Variants in RPRD2 observed in about 807,000 individuals in gnomAD.
RPRD2 encodes the protein regulation of nuclear pre-mRNA domain containing 2, also known as regulation of nuclear pre-mRNA domain-containing protein 2.
A neutral mutation model predicts 104.4 loss-of-function variants in RPRD2; 12 were observed. The observed-to-expected ratio is 0.11, with a 90% CI of 0.07 to 0.19. RPRD2 has a LOEUF of 0.19. RPRD2 is among the 10% of genes least tolerant of loss of function. The pLI, the probability that RPRD2 is intolerant of heterozygous loss-of-function variation, is 1.00. For missense variants in RPRD2, 1,543 were observed against 1,790.1 expected, an observed-to-expected ratio of 0.86 and a Z score of 2.49; for synonymous variants, 714 against 684.9, an observed-to-expected ratio of 1.04 and a Z score of -0.66.
At chr1:150,403,331 AT>A (rs1301060518) in intron 1 of RPRD2, among the ~76,000 whole-genome samples, 3 of 152,144 alleles carry the variant, frequency 2.0e-5, no homozygotes, top group Non-Finnish European at 4.4e-5. Context: ...CATGAAGAAC[AT>A]TAACATTGTT....
At chr1:150,397,151 T>C (rs1171840851) in intron 1 of RPRD2, among the ~76,000 whole-genome samples, 1 of 151,994 alleles carries the variant, frequency 6.6e-6, no homozygotes, top group Non-Finnish European at 1.5e-5. Context: ...TTTTTGTATT[T>C]ATAGTAGAGA....
chr1:150,406,308 A>G lies in RPRD2; in HGVS notation c.206-11288A>G, dbSNP rs193006079. Among the ~76,000 whole-genome samples the G allele has an allele frequency of 4.7e-4, 72 of 152,284 alleles. 1 individual carries two copies. Among genetic ancestry groups the G allele is most frequent in the Non-Finnish European group, 5.9e-5 (4 of 68,008 alleles). ...TAGGGGTCTTAGAACATATACCCCCATGTTAAGGAGGGACTACTGTAATTG... is the reference window on the plus strand; with the variant it reads ...TAGGGGTCTTAGAACATATACCCCCGTGTTAAGGAGGGACTACTGTAATTG... On this transcript the variant is annotated intron_variant, in intron 1 of 10. Coordinates refer to ENST00000369068, the MANE Select transcript of RPRD2 (RefSeq NM_015203.5).
chr1:150,369,038 G>A (rs1660065306), intron 1 of RPRD2, among the ~76,000 whole-genome samples: 1 of 152,114 alleles, frequency 6.6e-6, no homozygotes, highest in South Asian at 2.1e-4. Flanking sequence ...CTTATTTGTT[G>A]CCCTGTCCCC....
intron 1 of RPRD2, among the ~76,000 whole-genome samples, chr1:150,374,730 T>C (rs1553879150): frequency 6.6e-6 from 1 of 152,202 alleles, no homozygotes; most frequent in African/African-American, 2.4e-5. Flanking sequence ...AAAAGCACTT[T>C]TAAGTTTGTT....
Position 150,473,450 on chromosome 1 carries a change from A to C in RPRD2, c.*116A>C. 1.0e-6 allele frequency: 1 copy of C among 976,182 alleles called. No individual in the cohort carries two copies. The highest frequency in any genetic ancestry group is 2.1e-5 in the South Asian group (1 of 46,732). The allele number at this position is 976,182 out of a possible 1,614,324, so 60.5% of individuals were successfully genotyped here. On this transcript the variant is annotated 3_prime_UTR_variant, in exon 11 of 11. Transcript: ENST00000369068. ...TTCTCGATTTTTTTTTTATTATAAC[A>C]AAGGGCCTCTCTTCCAAAGTAAGAA...
At chr1:150,388,520 C>CAT (rs71293188) in intron 1 of RPRD2, among the ~76,000 whole-genome samples, 17,471 of 148,152 alleles carry the variant, frequency 0.12, 1,553 homozygotes, top group African/African-American at 0.24. Context: ...CACACACACA[C>CAT]ACATATATAC....
At position 150,452,661 on chromosome 1, in the gene RPRD2, C is replaced by CCTTTTTTTTTTTTTTTTTTTTTTTTTTTT. The variant is rs1553896876; in HGVS notation, c.871-4627_871-4626insCTTTTTTTTTTTTTTTTTTTTTTTTTTTT. Among the ~76,000 whole-genome samples the CCTTTTTTTTTTTTTTTTTTTTTTTTTTTT allele has an allele frequency of 2.8e-5, 2 of 71,220 alleles. 1 individual carries two copies. The highest frequency in any genetic ancestry group is 1.1e-4 in the African/African-American group (2 of 17,432). The allele number at this position is 71,220 out of a possible 152,430, so 46.7% of individuals were successfully genotyped here. A position where few individuals can be genotyped will look rare whatever the true frequency, so the allele number is the denominator to read the frequency against. The stretch of plus-strand genomic sequence containing the variant: ...TTTCTGTGTTCTTTTGACATATCCC[C>CCTTTTTTTTTTTTTTTTTTTTTTTTTTTT]TTTTTTTTTTTTTTTTTTTTTTTTT... On this transcript the variant is annotated intron_variant, in intron 7 of 10. Coordinates refer to ENST00000369068, the MANE Select transcript of RPRD2 (RefSeq NM_015203.5).
At chr1:150,402,705 G>A (rs1179475193) in intron 1 of RPRD2, among the ~76,000 whole-genome samples, 1 of 152,130 alleles carries the variant, frequency 6.6e-6, no homozygotes, top group Non-Finnish European at 1.5e-5. Context: ...GGTGGCTCAC[G>A]CCTGTAATCC....
At chr1:150,426,220 A>G (rs1260537260) in intron 2 of RPRD2, among the ~76,000 whole-genome samples, 2 of 152,182 alleles carry the variant, frequency 1.3e-5, no homozygotes, top group Admixed American at 1.3e-4. Flanking sequence ...GCTCTAGCCA[A>G]ACGCTCATAC....
intron 1 of RPRD2, among the ~76,000 whole-genome samples, chr1:150,376,227 T>G (rs1416459093): frequency 6.6e-6 from 1 of 152,206 alleles, no homozygotes; most frequent in Non-Finnish European, 1.5e-5. Context: ...GATTGAGGCC[T>G]TGATCTCTCC....
chr1:150,441,692 C>T (rs782326120), intron 3 of RPRD2, 189 bp from the exon 4 acceptor site: 5 of 453,362 alleles, frequency 1.1e-5, no homozygotes, highest in Admixed American at 4.0e-5. Context: ...TGATAAAAAT[C>T]GTGTTTATTT....
intron 1 of RPRD2, among the ~76,000 whole-genome samples, chr1:150,402,838 A>G (rs1663154383): frequency 6.6e-6 from 1 of 152,142 alleles, no homozygotes; most frequent in Non-Finnish European, 1.5e-5. Context: ...ATGATGGCAC[A>G]TGGCCTGTAA....
At chr1:150,438,333 A>G (rs1281573484) in intron 2 of RPRD2, among the ~76,000 whole-genome samples, 1 of 150,384 alleles carries the variant, frequency 6.6e-6, no homozygotes, top group Non-Finnish European at 1.5e-5. Context: ...AACATCAAGA[A>G]TATGTTCTGA....
intron 2 of RPRD2, among the ~76,000 whole-genome samples, chr1:150,423,812 G>A (rs1424883256): frequency 2.7e-5 from 4 of 146,206 alleles, no homozygotes; most frequent in Admixed American, 6.9e-5. Context: ...TTTTTTTTGA[G>A]ACAGAGTTTC....
intron 1 of RPRD2, among the ~76,000 whole-genome samples, chr1:150,414,136 A>G (rs994769512): frequency 6.6e-6 from 1 of 152,130 alleles, no homozygotes; most frequent in South Asian, 2.1e-4. Context: ...GGATGTGTAC[A>G]TTGACTGGTA....
intron 7 of RPRD2, among the ~76,000 whole-genome samples, chr1:150,450,605 C>CAAAA (rs1186175962): frequency 2.0e-5 from 1 of 50,564 alleles, no homozygotes; most frequent in African/African-American, 8.3e-5. Flanking sequence ...GACTCCGTCT[C>CAAAA]AAAAAAAAAA....
chr1:150,441,956 AAAGT>A lies in RPRD2; in HGVS notation c.514+2_514+5del. 1 of 1,606,744 alleles carries A rather than the reference AAAGT, an allele frequency of 6.2e-7. No individual in the cohort carries two copies. Among genetic ancestry groups the A allele is most frequent in the Middle Eastern group, 1.7e-4 (1 of 6,010 alleles). On this transcript the variant is annotated splice_donor_variant and coding_sequence_variant, in exon 4 of 11. Coordinates refer to ENST00000369068, the MANE Select transcript of RPRD2 (RefSeq NM_015203.5). LOFTEE classifies it high-confidence loss of function. Reference sequence around the variant, plus strand: ...CCGAATAAGCAGTGGAAGAAATCACAAAGTAAGGAACAAAATCTCAACTAATATA... The same window carrying A: ...CCGAATAAGCAGTGGAAGAAATCACAAAGGAACAAAATCTCAACTAATATA...
At chr1:150,397,065 C>G (rs1662585609) in intron 1 of RPRD2, among the ~76,000 whole-genome samples, 1 of 152,084 alleles carries the variant, frequency 6.6e-6, no homozygotes, top group Non-Finnish European at 1.5e-5. Flanking sequence ...CCTCTGCCTC[C>G]CAGATTCAAG....
At chr1:150,437,119 A>G (rs11803448) in intron 2 of RPRD2, among the ~76,000 whole-genome samples, 18,192 of 152,198 alleles carry the variant, frequency 0.12, 1,537 homozygotes, top group African/African-American at 0.23. Context: ...GATCTGGGCA[A>G]AGGAAATTGA....
Sources: allele counts gnomAD v4.1 joint callset (sites outside exome capture counted in the v4.1 genomes callset), GRCh38; gene constraint gnomAD v4.1.1; transcripts MANE v1.5; gene names NCBI Gene and HGNC (gene_info 2026-07-23, HGNC 2026-07-21).